The following KCTD8 variants were observed in gnomAD, a reference collection of about 807,000 sequenced individuals.
The protein encoded by KCTD8 is BTB/POZ domain-containing protein KCTD8.
KCTD8 carries 27 observed loss-of-function variants against 31.5 expected under a neutral mutation model. The ratio of observed to expected loss-of-function variants is 0.86; its 90% CI spans 0.63 to 1.18. KCTD8 has a LOEUF of 1.18. Ranked by LOEUF, KCTD8 falls within the 50% of genes most tolerant of loss-of-function variation. The pLI is 0.00. For missense variants in KCTD8, 658 were observed against 647.7 expected (o/e 1.02, Z -0.17); for synonymous variants, 290 against 280.0 (o/e 1.04, Z -0.36).
intron 1 of KCTD8, among the ~76,000 whole-genome samples, chr4:44,213,876 G>C (rs1451697270): frequency 6.6e-6 from 1 of 152,070 alleles, no homozygotes; most frequent in Non-Finnish European, 1.5e-5. Context: ...AGAAACCACA[G>C]GCACAGGAGT....
At chr4:44,365,030 G>A (rs921314400) in intron 1 of KCTD8, among the ~76,000 whole-genome samples, 2 of 151,946 alleles carry the variant, frequency 1.3e-5, no homozygotes, top group Non-Finnish European at 1.5e-5. Flanking sequence ...ACCATAGAAT[G>A]TACAATACAA....
At position 44,382,930 on chromosome 4, in the gene KCTD8, G is replaced by C. The variant is rs184769674; in HGVS notation, c.961+64633C>G. ...AAAAACCTGAAGACTCTACCAAAAA[G>C]CTCTTACAACTGATAAATTTAATCA... On this transcript the variant is annotated intron_variant, in intron 1 of 1. Coordinates refer to ENST00000360029, the MANE Select transcript of KCTD8 (RefSeq NM_198353.3). Among the ~76,000 whole-genome samples, 259 of 151,606 alleles carry C rather than the reference G, an allele frequency of 1.7e-3. 2 individuals are homozygous for C. The highest frequency in any genetic ancestry group is 2.8e-3 in the Non-Finnish European group (191 of 67,870).
At chr4:44,324,753 T>G (rs1460961500) in intron 1 of KCTD8, among the ~76,000 whole-genome samples, 3 of 152,024 alleles carry the variant, frequency 2.0e-5, no homozygotes, top group African/African-American at 7.3e-5. Context: ...AGACTTTTGA[T>G]AAACATGTTA....
In KCTD8 at chr4:44,316,795, G is replaced by GAAAAAAAAA. The variant is rs71188270; in HGVS notation, c.961+130759_961+130767dup. 4.6e-3 allele frequency among the ~76,000 whole-genome samples: 185 copies of GAAAAAAAAA among 40,368 alleles called. 12 individuals are homozygous for GAAAAAAAAA. The highest frequency in any genetic ancestry group is 7.6e-3 in the Non-Finnish European group (117 of 15,368). The allele number at this position is 40,368 out of a possible 152,430, so 26.5% of individuals were successfully genotyped here. A position where few individuals can be genotyped will look rare whatever the true frequency, so the allele number is the denominator to read the frequency against. The stretch of plus-strand genomic sequence containing the variant: ...GAAACCCCATCTCTACTAAAAATAC[G>GAAAAAAAAA]AAAAAAAAAAAAAAAAAAAAAAAAA... On this transcript the variant is annotated intron_variant, in intron 1 of 1. Transcript: ENST00000360029.
intron 1 of KCTD8, among the ~76,000 whole-genome samples, chr4:44,414,379 T>G (rs915451519): frequency 6.6e-6 from 1 of 152,166 alleles, no homozygotes; most frequent in African/African-American, 2.4e-5. Context: ...TGATCTTCTG[T>G]GTTTACCATG....
chr4:44,269,172 G>T (rs1577585056), intron 1 of KCTD8, among the ~76,000 whole-genome samples: 1 of 152,222 alleles, frequency 6.6e-6, no homozygotes, highest in East Asian at 1.9e-4. Context: ...AAAACAGCAT[G>T]GTACTGATAC....
rs760316372 is a variant in KCTD8 at position 44,448,570 on chromosome 4, C to G, written c.-47G>C. ...GTGACCCGAGAGAGCTGCACTTTCT[C>G]GTTCCCGGAGCCCGCGCCCCAGCCC... On this transcript the variant is annotated 5_prime_UTR_variant, in exon 1 of 2. Coordinates refer to ENST00000360029, the MANE Select transcript of KCTD8 (RefSeq NM_198353.3). The surrounding 1 kb of genome is among the most constrained non-coding windows in gnomAD (Gnocchi z 4.1). 17 of 1,395,184 alleles carry G rather than the reference C, an allele frequency of 1.2e-5. No homozygotes were observed. The South Asian group carries it at 2.8e-4, about 23-fold the overall frequency. 86.4% of individuals were successfully genotyped at this position (1,395,184 alleles called of 1,614,324 possible).
intron 1 of KCTD8, among the ~76,000 whole-genome samples, chr4:44,271,246 C>T (rs1356897282): frequency 2.0e-5 from 3 of 152,058 alleles, no homozygotes; most frequent in Non-Finnish European, 2.9e-5. Context: ...AGGCTTCATC[C>T]TCAATCAATA....
chr4:44,226,019 G>A (rs1439449433), intron 1 of KCTD8, among the ~76,000 whole-genome samples: 1 of 151,776 alleles, frequency 6.6e-6, no homozygotes, highest in African/African-American at 2.4e-5. Flanking sequence ...TAGTAGAGAT[G>A]GGGTTTCACC....
At chr4:44,179,554 G>A (rs1294383299) in intron 1 of KCTD8, among the ~76,000 whole-genome samples, 2 of 147,432 alleles carry the variant, frequency 1.4e-5, no homozygotes, top group African/African-American at 5.0e-5. Flanking sequence ...TTCACATTTT[G>A]CTAATCCTAT....
At chr4:44,407,389 CTTT>C (rs753718961) in intron 1 of KCTD8, among the ~76,000 whole-genome samples, 1 of 140,970 alleles carries the variant, frequency 7.1e-6, no homozygotes. Context: ...CTCTTTTTTT[CTTT>C]TTTTTTTTTT....
intron 1 of KCTD8, among the ~76,000 whole-genome samples, chr4:44,439,224 G>A (rs181331505): frequency 5.9e-5 from 9 of 152,228 alleles, no homozygotes; most frequent in African/African-American, 1.7e-4. Flanking sequence ...TTTTGATATT[G>A]TAACTGGTGA....
chr4:44,389,372 T>C (rs1477907652), intron 1 of KCTD8, among the ~76,000 whole-genome samples: 3 of 151,756 alleles, frequency 2.0e-5, no homozygotes, highest in Non-Finnish European at 4.4e-5. Flanking sequence ...CACACGTGTA[T>C]CAAAATATCT....
chr4:44,405,164 T>C (rs1043500286), intron 1 of KCTD8, among the ~76,000 whole-genome samples: 1 of 145,858 alleles, frequency 6.9e-6, no homozygotes, highest in African/African-American at 2.5e-5. Flanking sequence ...CGTGCTTACA[T>C]GGTCTTAGGT....
chr4:44,363,628 T>C (rs1394022042), intron 1 of KCTD8, among the ~76,000 whole-genome samples: 1 of 152,160 alleles, frequency 6.6e-6, no homozygotes, highest in Non-Finnish European at 1.5e-5. Context: ...ACATATTGGT[T>C]CTATTCAAAT....
At position 44,393,932 on chromosome 4, in the gene KCTD8, G is replaced by A. The variant is rs180933354; in HGVS notation, c.961+53631C>T. On this transcript the variant is annotated intron_variant, in intron 1 of 1. Transcript: ENST00000360029. ...AAATAGTATTTAGTATGCCTATACG[G>A]TGTATATTTACAGCTCTCTGATTAC... 3.3e-3 allele frequency among the ~76,000 whole-genome samples: 497 copies of A among 151,722 alleles called. 3 individuals are homozygous for A. Among genetic ancestry groups the A allele is most frequent in the African/African-American group, 0.011 (466 of 41,432 alleles).
At chr4:44,249,187 G>A (rs543084509) in intron 1 of KCTD8, among the ~76,000 whole-genome samples, 8 of 151,696 alleles carry the variant, frequency 5.3e-5, no homozygotes, top group East Asian at 1.9e-4. Context: ...AGTAAGAAAC[G>A]AAATCCTCAT....
At chr4:44,420,720 G>T (rs2109470531) in intron 1 of KCTD8, among the ~76,000 whole-genome samples, 1 of 152,048 alleles carries the variant, frequency 6.6e-6, no homozygotes, top group East Asian at 1.9e-4. Flanking sequence ...TCAAAGAAAA[G>T]ATCAGAAATA....
At chr4:44,408,107 T>C (rs1720847754) in intron 1 of KCTD8, among the ~76,000 whole-genome samples, 1 of 152,218 alleles carries the variant, frequency 6.6e-6, no homozygotes, top group African/African-American at 2.4e-5. Context: ...CCCAGTGCTG[T>C]CATCTATCTA....
Sources: allele counts gnomAD v4.1 joint callset (sites outside exome capture counted in the v4.1 genomes callset), GRCh38; gene constraint gnomAD v4.1.1; non-coding constraint Gnocchi (gnomAD v3.1); transcripts MANE v1.5; gene names NCBI Gene and HGNC (gene_info 2026-07-23, HGNC 2026-07-21).